CACNA1I: variants seen among roughly 807,000 people sequenced by gnomAD.
CACNA1I encodes the protein calcium voltage-gated channel subunit alpha1 I.
A neutral mutation model predicts 201.6 loss-of-function variants in CACNA1I; 74 were observed. The observed-to-expected ratio is 0.37, with a 90% confidence interval of 0.30 to 0.45. The LOEUF (loss-of-function observed/expected upper bound fraction) is 0.45, where lower values mean the gene tolerates loss of function less well. CACNA1I is among the 20% of genes least tolerant of loss of function. CACNA1I has a pLI of 1.00. For missense variants in CACNA1I, 2,346 were observed against 3,138.1 expected, an observed-to-expected ratio of 0.75 and a Z score of 6.03; for synonymous variants, 1,431 against 1,345.2, an observed-to-expected ratio of 1.06 and a Z score of -1.40.
At chr22:39,576,259 G>C (rs1932347642) in intron 1 of CACNA1I, among the ~76,000 whole-genome samples, 1 of 152,264 alleles carries the variant, frequency 6.6e-6, no homozygotes, top group Non-Finnish European at 1.5e-5. Flanking sequence ...AAATGTGCAG[G>C]ATGAGAGCTG....
rs1935242425 is a variant in CACNA1I, at chr22:39,667,734, T to G, written c.4105-558T>G. On this transcript the variant is annotated intron_variant, in intron 23 of 36. Coordinates refer to ENST00000402142, the MANE Select transcript of CACNA1I (RefSeq NM_021096.4). ...ACCAGGGAGAGGAGTTATTACCATT[T>G]TACAGATGAGGAAATGGGCCCATAG... 7.9e-5 allele frequency among the ~76,000 whole-genome samples: 12 copies of G among 152,134 alleles called. 2 individuals carry two copies. In the South Asian group the frequency reaches 2.5e-3, roughly 32 times the overall value.
rs55991749 is a variant in CACNA1I, at chr22:39,589,670, G to C, written c.237-8481G>C. ...GTGGTCCTTGGATGCTTGTAGGCCTGGCCTCAGAGGAGCATGGAGCTGGCC... is the reference window on the plus strand; with the variant it reads ...GTGGTCCTTGGATGCTTGTAGGCCTCGCCTCAGAGGAGCATGGAGCTGGCC... On this transcript the variant is annotated intron_variant, in intron 1 of 36. Coordinates refer to ENST00000402142, the MANE Select transcript of CACNA1I (RefSeq NM_021096.4). Among the ~76,000 whole-genome samples, 1,206 of 152,282 alleles carry C rather than the reference G, an allele frequency of 7.9e-3. 11 individuals are homozygous for C. Among genetic ancestry groups the C allele is most frequent in the Non-Finnish European group, 0.012 (836 of 68,020 alleles).
intron 10 of CACNA1I, among the ~76,000 whole-genome samples, chr22:39,653,705 G>C (rs1156979204): frequency 1.3e-5 from 2 of 152,294 alleles, no homozygotes; most frequent in Non-Finnish European, 2.9e-5. Context: ...CCTCAGGCCT[G>C]GTCACAGGGT....
rs575189387 is a variant in CACNA1I at position 39,662,321 on chromosome 22, C to T, written c.3258C>T (p.Gly1086=). Residue 1086 remains glycine, a synonymous_variant, in exon 17 of 37, where the codon GGC becomes GGT. Coordinates refer to ENST00000402142, the MANE Select transcript of CACNA1I (RefSeq NM_021096.4). Reference sequence around the variant, plus strand: ...CCCGGGCCGCCTGGAGGGCGGCAGGCCCGGCCCCCGGGCATGAGGACTGCA... The same window carrying T: ...CCCGGGCCGCCTGGAGGGCGGCAGGTCCGGCCCCCGGGCATGAGGACTGCA... ...AHPRAAWRAA[G]PAPGHEDCNG... 2.0e-6 allele frequency: 3 copies of T among 1,478,094 alleles called. No homozygotes were observed. The highest frequency in any genetic ancestry group is 1.3e-5 in the South Asian group (1 of 75,268). The allele number at this position is 1,478,094 out of a possible 1,614,324, so 91.6% of individuals were successfully genotyped here.
In CACNA1I at chr22:39,571,151, G is replaced by C. The variant is rs1302656773; in HGVS notation, c.236+163G>C. On this transcript the variant is annotated intron_variant, in intron 1 of 36. Coordinates refer to ENST00000402142, the MANE Select transcript of CACNA1I (RefSeq NM_021096.4). ...TGAGCGAGCTCAGAGGGTGGGTCTGGGGAGACCTCAAATGGATGAGGACCT... is the reference window on the plus strand; with the variant it reads ...TGAGCGAGCTCAGAGGGTGGGTCTGCGGAGACCTCAAATGGATGAGGACCT... 7.0e-5 allele frequency: 45 copies of C among 642,354 alleles called. 2 individuals are homozygous for C. In the East Asian group the frequency reaches 1.2e-3, roughly 17 times the overall value. 39.8% of individuals were successfully genotyped at this position (642,354 alleles called of 1,614,324 possible).
intron 3 of CACNA1I, among the ~76,000 whole-genome samples, chr22:39,614,074 G>A (rs185199972): frequency 2.0e-5 from 3 of 152,098 alleles, no homozygotes; most frequent in East Asian, 1.9e-4. Context: ...TCTTGAACTC[G>A]TGACTTCAGG....
intron 5 of CACNA1I, among the ~76,000 whole-genome samples, chr22:39,635,259 G>T (rs1308584039): frequency 6.6e-6 from 1 of 152,202 alleles, no homozygotes; most frequent in Non-Finnish European, 1.5e-5. Context: ...GCCCCAGGGA[G>T]TCAGAAATAG....
intron 1 of CACNA1I, among the ~76,000 whole-genome samples, chr22:39,575,213 G>T (rs577683060): frequency 6.6e-6 from 1 of 152,222 alleles, no homozygotes; most frequent in East Asian, 1.9e-4. Context: ...CGTGGAAAGC[G>T]CTGGGCACCT....
chr22:39,681,181 C>A, intron 34 of CACNA1I, 129 bp downstream of exon 34: 1 of 1,083,668 alleles, frequency 9.2e-7, no homozygotes, highest in Non-Finnish European at 1.3e-6. Context: ...AGGCCTTCAT[C>A]TCCTGTTGGA....
Position 39,647,836 on chromosome 22 carries a change from G to T in CACNA1I, c.1477G>T (p.Gly493Cys), listed in dbSNP as rs918240090. 1.2e-6 allele frequency: 2 copies of T among 1,607,146 alleles called. No individual in the cohort carries two copies. The highest frequency in any genetic ancestry group is 1.7e-6 in the Non-Finnish European group (2 of 1,173,776). ...CCACTTTTCAGATGGGAAGACTAAGGGTCAGGGAGATGAAGGGAGACATCT... is the reference window on the plus strand; with the variant it reads ...CCACTTTTCAGATGGGAAGACTAAGTGTCAGGGAGATGAAGGGAGACATCT... ...EPRHYHGKTK[G>C]QGDEGRHLGS... is the part of the protein sequence containing the mutation. Residue 493 changes from glycine to cysteine, a missense_variant, in exon 9 of 37, where the codon GGT becomes TGT. Gly to Cys is a radical substitution (Grantham distance 159). Around this residue, in one of 13 missense-constraint regions of CACNA1I, gnomAD observed 312 missense variants for 331.5 expected, o/e 0.94. Transcript: ENST00000402142.
In CACNA1I at chr22:39,661,945, C is replaced by T. The variant is rs1356871670; in HGVS notation, c.2902-20C>T. Reference sequence around the variant, plus strand: ...TGGGTGTGCCTGTGGGGCGCTGACCCGAACGGGAACTCCTTCCAGTCCAGC... The same window carrying T: ...TGGGTGTGCCTGTGGGGCGCTGACCTGAACGGGAACTCCTTCCAGTCCAGC... On this transcript the variant is annotated intron_variant, in intron 16 of 36. Coordinates refer to ENST00000402142, the MANE Select transcript of CACNA1I (RefSeq NM_021096.4). 6.1e-6 allele frequency: 9 copies of T among 1,473,614 alleles called. No homozygotes were observed. The Admixed American group carries it at 7.5e-5, about 12-fold the overall frequency. The allele number at this position is 1,473,614 out of a possible 1,614,324, so 91.3% of individuals were successfully genotyped here.
At chr22:39,651,818 T>C (rs1195655132) in intron 10 of CACNA1I, among the ~76,000 whole-genome samples, 3 of 152,184 alleles carry the variant, frequency 2.0e-5, no homozygotes, top group Admixed American at 6.5e-5. Context: ...ACCATGGAAA[T>C]TGGCAGATGT....
chr22:39,606,608 CTACA>C (rs146406938), intron 3 of CACNA1I, among the ~76,000 whole-genome samples: 2,360 of 152,352 alleles, frequency 0.015, 48 homozygotes, highest in African/African-American at 0.05. Context: ...TCTCGGCTCA[CTACA>C]ACCTCAGCTT....
rs893689232 is a variant in CACNA1I, at chr22:39,676,797, C to T, written c.4855-544C>T. Among the ~76,000 whole-genome samples, 43 of 152,206 alleles carry T rather than the reference C, an allele frequency of 2.8e-4. No individual in the cohort carries two copies. Among genetic ancestry groups the T allele is most frequent in the South Asian group, 2.1e-4 (1 of 4,830 alleles). ...GACAGTGACAGGGATAAGTGCATTT[C>T]GGTGGTTTCGTAGAGGAGCTAGTGT... is the stretch of plus-strand genomic sequence containing the variant. On this transcript the variant is annotated intron_variant, in intron 29 of 36. Transcript: ENST00000402142. The surrounding 1 kb of genome is among the most constrained non-coding windows in gnomAD (Gnocchi z 4.8).
At position 39,686,418 on chromosome 22, in the gene CACNA1I, C is replaced by A; in HGVS notation, c.*13C>A. On this transcript the variant is annotated 3_prime_UTR_variant, in exon 37 of 37. Transcript: ENST00000402142. ...GAGGAAGAGATGAGGGTCGCAGGGG[C>A]CCCCGGCCGCCCACCGCCCGCCCCG... 2 of 1,222,726 alleles carry A rather than the reference C, an allele frequency of 1.6e-6. No homozygotes were observed. The highest frequency in any genetic ancestry group is 1.0e-6 in the Non-Finnish European group (1 of 976,622). 75.7% of individuals were successfully genotyped at this position (1,222,726 alleles called of 1,614,324 possible). A position where few individuals can be genotyped will look rare whatever the true frequency, so the allele number is the denominator to read the frequency against.
intron 1 of CACNA1I, among the ~76,000 whole-genome samples, chr22:39,587,258 G>A (rs1273773103): frequency 6.6e-6 from 1 of 152,158 alleles, no homozygotes; most frequent in Non-Finnish European, 1.5e-5. Flanking sequence ...TAGGAACAAG[G>A]AAGGGCTCAC....
intron 1 of CACNA1I, among the ~76,000 whole-genome samples, chr22:39,590,553 G>A (rs1932809245): frequency 6.6e-6 from 1 of 152,230 alleles, no homozygotes; most frequent in African/African-American, 2.4e-5. Flanking sequence ...GGGGAGGAAA[G>A]AGCAAATATT....
intron 29 of CACNA1I, 65 bp downstream of exon 29, chr22:39,674,098 T>C (rs1935450684): frequency 6.8e-7 from 1 of 1,461,474 alleles, no homozygotes; most frequent in East Asian, 2.3e-5. Flanking sequence ...CCCTGGGGCA[T>C]GAAGGCCCTG....
chr22:39,649,413 G>A lies in CACNA1I; in HGVS notation c.1568-88G>A. On this transcript the variant is annotated intron_variant, in intron 9 of 36. Transcript: ENST00000402142. The surrounding 1 kb of genome is among the most constrained non-coding windows in gnomAD (Gnocchi z 7.3). ...TGGTTCCAGGCAGACCTGTGGGCCTGGGAGCCAAGCGCACTCAGGGATGTG... is the reference window on the plus strand; with the variant it reads ...TGGTTCCAGGCAGACCTGTGGGCCTAGGAGCCAAGCGCACTCAGGGATGTG... The A allele has an allele frequency of 7.4e-7, 1 of 1,346,762 alleles. No homozygotes were observed. The highest frequency in any genetic ancestry group is 9.9e-7 in the Non-Finnish European group (1 of 1,011,242). 83.4% of individuals were successfully genotyped at this position (1,346,762 alleles called of 1,614,324 possible).
Sources: gnomAD v4.1 joint callset for allele counts (sites outside exome capture counted in the v4.1 genomes callset) on GRCh38, gnomAD v4.1.1 for gene constraint, gnomAD v4.1.1 regional missense constraint, Gnocchi (gnomAD v3.1) non-coding constraint, MANE v1.5 for transcripts, NCBI Gene and HGNC (gene_info 2026-07-23, HGNC 2026-07-21) for gene names.